Variants in SGCZ observed in about 807,000 individuals in gnomAD.
SGCZ encodes zeta-sarcoglycan.
In SGCZ, 40 loss-of-function variants were observed where a neutral mutation model predicts 41.3. That is an observed-to-expected ratio of 0.97 (90% CI 0.75 to 1.26). The LOEUF is 1.26. Ranked by LOEUF, SGCZ falls within the 50% of genes most tolerant of loss-of-function variation. The probability of loss-of-function intolerance (pLI) is 0.00; values close to 1 mark genes in which losing one functional copy is unlikely to be tolerated. For synonymous variants in SGCZ, 206 were observed against 137.5 expected, an observed-to-expected ratio of 1.50 and a Z score of -3.49; for missense variants, 552 against 369.8, an observed-to-expected ratio of 1.49 and a Z score of -4.04.
chr8:14,543,234 G>C (rs1803524614), intron 2 of SGCZ, among the ~76,000 whole-genome samples: 1 of 151,972 alleles, frequency 6.6e-6, no homozygotes, highest in South Asian at 2.1e-4. Flanking sequence ...GTACTAGTGT[G>C]ATTATATACT....
intron 1 of SGCZ, among the ~76,000 whole-genome samples, chr8:15,170,212 C>T (rs967786937): frequency 1.3e-5 from 2 of 152,132 alleles, no homozygotes; most frequent in Non-Finnish European, 2.9e-5. Context: ...CTGTGCCTGC[C>T]TGAGATCTAA....
At chr8:14,423,219 G>T (rs973066646) in intron 2 of SGCZ, among the ~76,000 whole-genome samples, 1 of 151,616 alleles carries the variant, frequency 6.6e-6, no homozygotes, top group Non-Finnish European at 1.5e-5. Flanking sequence ...GCTAAATGAC[G>T]AGTTAATGGG....
chr8:14,846,288 T>G (rs544286890), intron 1 of SGCZ, among the ~76,000 whole-genome samples: 1 of 152,146 alleles, frequency 6.6e-6, no homozygotes, highest in East Asian at 1.9e-4. Context: ...TGAGGAAGTG[T>G]TGATTAAACC....
At chr8:14,799,135 G>T (rs1371575212) in intron 1 of SGCZ, among the ~76,000 whole-genome samples, 1 of 151,754 alleles carries the variant, frequency 6.6e-6, no homozygotes, top group African/African-American at 2.4e-5. Flanking sequence ...CATTTTGGAA[G>T]AAAACTAATA....
At chr8:15,182,180 TG>T (rs111664982) in intron 1 of SGCZ, among the ~76,000 whole-genome samples, 10 of 152,224 alleles carry the variant, frequency 6.6e-5, no homozygotes, top group African/African-American at 2.4e-4. Context: ...ATTTCACAAA[TG>T]TTTTTCCAGA....
intron 1 of SGCZ, among the ~76,000 whole-genome samples, chr8:14,804,163 G>A (rs1260372054): frequency 4.2e-4 from 37 of 88,742 alleles, no homozygotes; most frequent in Admixed American, 8.1e-4. Context: ...ACTCTAAAAC[G>A]CAGAGCGCCT....
intron 1 of SGCZ, among the ~76,000 whole-genome samples, chr8:15,012,663 T>TATA (rs1563436246): frequency 1.8e-5 from 2 of 110,464 alleles, no homozygotes; most frequent in Admixed American, 9.1e-5. Context: ...ATATATAATA[T>TATA]ATATTTATTA....
At chr8:14,448,402 C>G (rs1338146240) in intron 2 of SGCZ, among the ~76,000 whole-genome samples, 1 of 152,142 alleles carries the variant, frequency 6.6e-6, no homozygotes, top group Non-Finnish European at 1.5e-5. Context: ...GCCTCATGCA[C>G]CAGTTAGATA....
intron 1 of SGCZ, among the ~76,000 whole-genome samples, chr8:14,770,520 G>GTA (rs1051285653): frequency 6.6e-6 from 1 of 151,700 alleles, no homozygotes; most frequent in African/African-American, 2.4e-5. Context: ...ATATTATAAA[G>GTA]TATATATATG....
intron 1 of SGCZ, among the ~76,000 whole-genome samples, chr8:14,612,326 G>T (rs1262147578): frequency 1.3e-5 from 2 of 152,026 alleles, no homozygotes; most frequent in African/African-American, 4.8e-5. Context: ...ACAAGTGTTT[G>T]GCATTTCCCT....
At chr8:14,665,147 T>A (rs1563188370) in intron 1 of SGCZ, among the ~76,000 whole-genome samples, 2 of 152,210 alleles carry the variant, frequency 1.3e-5, no homozygotes, top group Non-Finnish European at 2.9e-5. Context: ...TATCTCCTAA[T>A]GCTATCCCTC....
At chr8:14,980,440 ATATC>A (rs1563408111) in intron 1 of SGCZ, among the ~76,000 whole-genome samples, 1 of 152,192 alleles carries the variant, frequency 6.6e-6, no homozygotes, top group South Asian at 2.1e-4. Context: ...TGATATAGAA[ATATC>A]TATCTATCTG....
At chr8:14,930,976 T>C (rs1051135318) in intron 1 of SGCZ, among the ~76,000 whole-genome samples, 3 of 152,010 alleles carry the variant, frequency 2.0e-5, no homozygotes, top group African/African-American at 7.3e-5. Flanking sequence ...AACAAACCGG[T>C]ACGTTCTGCA....
At position 14,090,359 on chromosome 8, in the gene SGCZ, T is replaced by A; in HGVS notation, c.*84A>T. The A allele has an allele frequency of 6.9e-7, 1 of 1,453,548 alleles. No homozygotes were observed. The highest frequency in any genetic ancestry group is 9.3e-7 in the Non-Finnish European group (1 of 1,075,314). The allele number at this position is 1,453,548 out of a possible 1,614,324, so 90.0% of individuals were successfully genotyped here. A position where few individuals can be genotyped will look rare whatever the true frequency, so the allele number is the denominator to read the frequency against. On this transcript the variant is annotated 3_prime_UTR_variant, in exon 8 of 8. Transcript: ENST00000382080. Reference sequence around the variant, plus strand: ...TGGACCATTCGAAGAAGCTCTGGACTGATCACAAGGGAAACCGAGCAGAAC... The same window carrying A: ...TGGACCATTCGAAGAAGCTCTGGACAGATCACAAGGGAAACCGAGCAGAAC...
chr8:14,093,146 T>C (rs2116956213), intron 7 of SGCZ, among the ~76,000 whole-genome samples: 1 of 152,174 alleles, frequency 6.6e-6, no homozygotes, highest in South Asian at 2.1e-4. Flanking sequence ...CTGAAGGGTA[T>C]CCCTAAATTG....
chr8:14,386,956 G>T (rs1422920308), intron 2 of SGCZ, among the ~76,000 whole-genome samples: 1 of 152,178 alleles, frequency 6.6e-6, no homozygotes, highest in Non-Finnish European at 1.5e-5. Context: ...GCGAAGGCTA[G>T]AATTTCATAG....
chr8:15,118,571 A>C (rs888776083), intron 1 of SGCZ, among the ~76,000 whole-genome samples: 1 of 152,144 alleles, frequency 6.6e-6, no homozygotes, highest in African/African-American at 2.4e-5. Flanking sequence ...TGGAAGAAAA[A>C]CGTCAAATAT....
intron 1 of SGCZ, among the ~76,000 whole-genome samples, chr8:14,872,541 G>C (rs972651647): frequency 6.6e-6 from 1 of 151,894 alleles, no homozygotes; most frequent in African/African-American, 2.4e-5. Flanking sequence ...GTTGGCCTTG[G>C]GGGAATTAGA....
chr8:14,858,237 G>T lies in SGCZ; in HGVS notation c.40-303311C>A, dbSNP rs549471730. The stretch of plus-strand genomic sequence containing the variant: ...TATATACATATTAATGAGAAATTAA[G>T]ATAAATTATTTAAATATTAATTAAT... On this transcript the variant is annotated intron_variant, in intron 1 of 7. Transcript: ENST00000382080. 5.9e-5 allele frequency among the ~76,000 whole-genome samples: 9 copies of T among 151,784 alleles called. No individual in the cohort carries two copies. In the South Asian group the frequency reaches 1.9e-3, roughly 31 times the overall value.
Sources: gnomAD v4.1 joint callset for allele counts (sites outside exome capture counted in the v4.1 genomes callset) on GRCh38, gnomAD v4.1.1 for gene constraint, MANE v1.5 for transcripts, NCBI Gene and HGNC (gene_info 2026-07-23, HGNC 2026-07-21) for gene names.